MFHAS1: variants seen among roughly 807,000 people sequenced by gnomAD.
MFHAS1 encodes malignant fibrous histiocytoma-amplified sequence 1.
Under a neutral mutation model 70.4 loss-of-function variants are expected in MFHAS1, and 50 were observed. That is an observed-to-expected ratio of 0.71 (90% confidence interval 0.57 to 0.90). The LOEUF (loss-of-function observed/expected upper bound fraction) is 0.90, where lower values mean the gene tolerates loss of function less well. Ranked by LOEUF, MFHAS1 falls within the 40% of genes least tolerant of loss-of-function variation. The pLI is 0.00. For synonymous variants in MFHAS1, 952 were observed against 620.0 expected (o/e 1.54, Z -7.96); for missense variants, 1,795 against 1,347.6 (o/e 1.33, Z -5.20).
intron 1 of MFHAS1, among the ~76,000 whole-genome samples, chr8:8,876,826 C>T (rs952032629): frequency 2.6e-5 from 4 of 151,824 alleles, no homozygotes; most frequent in Non-Finnish European, 5.9e-5. Context: ...CCCAGTTACT[C>T]GGGAGGCTAA....
chr8:8,817,822 A>G lies in MFHAS1; in HGVS notation c.2999-20331T>C, dbSNP rs576399433. On this transcript the variant is annotated intron_variant, in intron 1 of 2. Transcript: ENST00000276282. ...AATTCACAATAGAGTTCAAGCTCCTATGAGAACCTAATGTAATGCTGCCGC... is the reference window on the plus strand; with the variant it reads ...AATTCACAATAGAGTTCAAGCTCCTGTGAGAACCTAATGTAATGCTGCCGC... Among the ~76,000 whole-genome samples the G allele has an allele frequency of 5.3e-5, 8 of 152,284 alleles. No individual in the cohort carries two copies. In the South Asian group the frequency reaches 1.7e-3, roughly 32 times the overall value.
At chr8:8,799,805 C>T (rs146064854) in intron 1 of MFHAS1, among the ~76,000 whole-genome samples, 4 of 152,328 alleles carry the variant, frequency 2.6e-5, no homozygotes, top group East Asian at 3.9e-4. Flanking sequence ...TCTCATCCCC[C>T]GCAAAGGCCA....
chr8:8,855,984 G>C (rs1346382839), intron 1 of MFHAS1, among the ~76,000 whole-genome samples: 1 of 152,234 alleles, frequency 6.6e-6, no homozygotes, highest in Admixed American at 6.5e-5. Context: ...GATGAGAAAA[G>C]ATGCTCAGTT....
rs767878992 is a variant in MFHAS1, at chr8:8,892,651, C to G, written c.408G>C (p.Glu136Asp). Reference sequence around the variant, plus strand: ...TGTGGCTGAGGTTGAGCTTCCGCAGCTCCCTCAGAGCACTCACCACCTCCG... The same window carrying G: ...TGTGGCTGAGGTTGAGCTTCCGCAGGTCCCTCAGAGCACTCACCACCTCCG... ...LGAEVVSALR[E>D]LRKLNLSHNQ... is the part of the protein sequence containing the mutation. Residue 136 changes from glutamate to aspartate, a missense_variant, in exon 1 of 3, where the codon GAG becomes GAC. Transcript: ENST00000276282. This position sits in a 1 kb window ranked among gnomAD's most constrained non-coding sequence, Gnocchi z 4.7. 6.3e-7 allele frequency: 1 copy of G among 1,595,072 alleles called. No homozygotes were observed. Among genetic ancestry groups the G allele is most frequent in the Non-Finnish European group, 8.5e-7 (1 of 1,171,548 alleles).
At chr8:8,885,938 A>G (rs1809735011) in intron 1 of MFHAS1, among the ~76,000 whole-genome samples, 1 of 152,164 alleles carries the variant, frequency 6.6e-6, no homozygotes, top group Non-Finnish European at 1.5e-5. Context: ...GATGTTGGCC[A>G]GGATGGAGAA....
intron 1 of MFHAS1, among the ~76,000 whole-genome samples, chr8:8,825,385 C>G (rs1807122211): frequency 6.6e-6 from 1 of 152,214 alleles, no homozygotes; most frequent in Non-Finnish European, 1.5e-5. Context: ...GTTGGCCAGG[C>G]TGGTGTCAAA....
intron 1 of MFHAS1, among the ~76,000 whole-genome samples, chr8:8,807,281 C>G (rs1011726070): frequency 7.2e-5 from 11 of 152,076 alleles, no homozygotes; most frequent in Non-Finnish European, 1.0e-4. Context: ...AAAAGCCTGA[C>G]GAATGTGACC....
intron 1 of MFHAS1, among the ~76,000 whole-genome samples, chr8:8,809,568 T>C (rs79489733): frequency 0.032 from 4,941 of 152,304 alleles, 137 homozygotes; most frequent in South Asian, 0.12. Context: ...GTGTGCCACT[T>C]GGCTCCATTT....
chr8:8,871,092 A>G (rs992163997), intron 1 of MFHAS1, among the ~76,000 whole-genome samples: 13 of 152,298 alleles, frequency 8.5e-5, no homozygotes, highest in African/African-American at 3.1e-4. Flanking sequence ...GAAGCAGCAC[A>G]GGGTGACAGC....
chr8:8,803,789 TGGTGGAACCTC>T (rs1258215783), intron 1 of MFHAS1, among the ~76,000 whole-genome samples: 8 of 152,026 alleles, frequency 5.3e-5, no homozygotes, highest in Non-Finnish European at 7.4e-5. Flanking sequence ...CTGGCCAACC[TGGTGGAACCTC>T]GGCTCTACTA....
At chr8:8,808,116 C>T (rs2117277142) in intron 1 of MFHAS1, among the ~76,000 whole-genome samples, 2 of 152,328 alleles carry the variant, frequency 1.3e-5, no homozygotes, top group Admixed American at 1.3e-4. Flanking sequence ...TGTCCCCACA[C>T]TGTAGACGCT....
At chr8:8,828,763 C>A (rs1807258304) in intron 1 of MFHAS1, among the ~76,000 whole-genome samples, 1 of 152,220 alleles carries the variant, frequency 6.6e-6, no homozygotes. Flanking sequence ...CGTGCATAGC[C>A]TGGAAAGAGC....
At chr8:8,808,078 C>G (rs992879832) in intron 1 of MFHAS1, among the ~76,000 whole-genome samples, 2 of 152,190 alleles carry the variant, frequency 1.3e-5, no homozygotes, top group Non-Finnish European at 2.9e-5. Flanking sequence ...TCCATACCCC[C>G]CAGCACCATG....
chr8:8,865,179 A>C (rs1462552389), intron 1 of MFHAS1, among the ~76,000 whole-genome samples: 1 of 148,566 alleles, frequency 6.7e-6, no homozygotes, highest in African/African-American at 2.5e-5. Flanking sequence ...CAGGAGGCCG[A>C]GGCAGGAGAA....
intron 1 of MFHAS1, among the ~76,000 whole-genome samples, chr8:8,880,221 A>T (rs548880321): frequency 6.6e-6 from 1 of 152,306 alleles, no homozygotes; most frequent in African/African-American, 2.4e-5. Flanking sequence ...TACACCTTGG[A>T]AAGAAAGTTG....
chr8:8,856,450 A>G (rs979951938), intron 1 of MFHAS1, among the ~76,000 whole-genome samples: 6 of 152,222 alleles, frequency 3.9e-5, no homozygotes, highest in South Asian at 2.1e-4. Flanking sequence ...TGGTGTGTAC[A>G]TATTTCCTGT....
At chr8:8,806,789 C>G (rs915665761) in intron 1 of MFHAS1, among the ~76,000 whole-genome samples, 4 of 152,022 alleles carry the variant, frequency 2.6e-5, no homozygotes, top group Non-Finnish European at 5.9e-5. Flanking sequence ...GTTGAAACCC[C>G]ATCTCTACTA....
intron 1 of MFHAS1, among the ~76,000 whole-genome samples, chr8:8,825,251 C>T (rs958990925): frequency 1.3e-5 from 2 of 152,216 alleles, no homozygotes; most frequent in African/African-American, 4.8e-5. Context: ...CTGCTCACTG[C>T]AACCTCCGCC....
intron 1 of MFHAS1, among the ~76,000 whole-genome samples, chr8:8,887,850 C>CA (rs1314271953): frequency 2.1e-3 from 122 of 57,032 alleles, no homozygotes; most frequent in African/African-American, 3.8e-3. Flanking sequence ...CTGACGTTAG[C>CA]AAAAAAAACA....
Sources: gnomAD v4.1 joint callset for allele counts (sites outside exome capture counted in the v4.1 genomes callset) on GRCh38, gnomAD v4.1.1 for gene constraint, Gnocchi (gnomAD v3.1) non-coding constraint, MANE v1.5 for transcripts, NCBI Gene and HGNC (gene_info 2026-07-23, HGNC 2026-07-21) for gene names.